TMEM44: variants seen among roughly 807,000 people sequenced by gnomAD.
The protein encoded by TMEM44 is transmembrane protein 44.
A neutral mutation model predicts 47.8 loss-of-function variants in TMEM44; 43 were observed. That is an observed-to-expected ratio of 0.90 (90% confidence interval 0.70 to 1.16). TMEM44 has a LOEUF of 1.16. Ranked by LOEUF, TMEM44 falls within the 50% of genes most tolerant of loss-of-function variation. The probability of loss-of-function intolerance (pLI) is 0.00; values close to 1 mark genes in which losing one functional copy is unlikely to be tolerated. For missense variants in TMEM44, 568 were observed against 555.2 expected (o/e 1.02, Z -0.23); for synonymous variants, 277 against 238.8 (o/e 1.16, Z -1.48).
intron 1 of TMEM44, among the ~76,000 whole-genome samples, chr3:194,631,333 G>T (rs559839387): frequency 6.6e-6 from 1 of 151,350 alleles, no homozygotes; most frequent in South Asian, 2.1e-4. Context: ...GGGTGGCAGC[G>T]CTGGCTTCAT....
intron 9 of TMEM44, chr3:194,593,102 G>GCCC: frequency 6.2e-7 from 1 of 1,612,788 alleles, no homozygotes; most frequent in Non-Finnish European, 8.5e-7. Context: ...GACAGAAAAA[G>GCCC]TGTTGGACAG....
chr3:194,607,584 A>G (rs1175146641), intron 8 of TMEM44, among the ~76,000 whole-genome samples: 2 of 152,208 alleles, frequency 1.3e-5, no homozygotes, highest in Non-Finnish European at 2.9e-5. Flanking sequence ...TATCACTGAC[A>G]AACTGTGTGA....
chr3:194,623,497 C>T (rs1301427033), intron 4 of TMEM44, 32 bp downstream of exon 4: 2 of 1,556,284 alleles, frequency 1.3e-6, no homozygotes, highest in Admixed American at 3.8e-5. Flanking sequence ...CATGCAGTAC[C>T]CCGAGTCCTC....
chr3:194,595,577 A>G (rs931615554), intron 9 of TMEM44, among the ~76,000 whole-genome samples: 1 of 151,482 alleles, frequency 6.6e-6, no homozygotes, highest in Admixed American at 6.6e-5. Flanking sequence ...GATGGATTGT[A>G]AAGTTTTAAG....
chr3:194,605,278 T>G (rs753962562), intron 8 of TMEM44, among the ~76,000 whole-genome samples: 1 of 152,258 alleles, frequency 6.6e-6, no homozygotes, highest in African/African-American at 2.4e-5. Context: ...GCTGAACTTT[T>G]GAAGTCCTGC....
Position 194,611,602 on chromosome 3 carries a change from C to A in TMEM44, c.913-582G>T, listed in dbSNP as rs1005415916. 6.6e-6 allele frequency among the ~76,000 whole-genome samples: 1 copy of A among 152,324 alleles called. No homozygotes were observed. The highest frequency in any genetic ancestry group is 2.4e-5 in the African/African-American group (1 of 41,570). ...CCGGGAAGTGGATCGTTTAAACGCG[C>A]CCCAGATGATTCTAACGTGCGGCCA... On this transcript the variant is annotated intron_variant, in intron 7 of 9. Coordinates refer to ENST00000347147, the MANE Select transcript of TMEM44 (RefSeq NM_001011655.3). This position sits in a 1 kb window ranked among gnomAD's most constrained non-coding sequence, Gnocchi z 4.2.
rs1407933298 is a variant in TMEM44 at position 194,631,287 on chromosome 3, G to A, written c.137+1792C>T. ...GCCTCTGAAATACATTGTCGTACCT[G>A]CCTCCTTGCTACATTTCTCTGGAGA... On this transcript the variant is annotated intron_variant, in intron 1 of 9. Coordinates refer to ENST00000347147, the MANE Select transcript of TMEM44 (RefSeq NM_001011655.3). Among the ~76,000 whole-genome samples, 3 of 152,100 alleles carry A rather than the reference G, an allele frequency of 2.0e-5. No individual in the cohort carries two copies. The East Asian group carries it at 5.8e-4, about 29-fold the overall frequency.
At position 194,623,563 on chromosome 3, in the gene TMEM44, C is replaced by T. The variant is rs1217053670; in HGVS notation, c.491G>A (p.Gly164Glu). ...GCTCGCTAGCAGCCTCCGCTGTGGC[C>T]CCCGGATGGTGGCTGAAGCCTTCGG... ...AVPKASATIR[G>E]PQRRLLASLL... The change falls in exon 4 of 10, where the codon GGG becomes GAG. Residue 164 changes from glycine to glutamate, a missense_variant. Physicochemically the swap from Gly to Glu is moderately conservative, Grantham distance 98. Coordinates refer to ENST00000347147, the MANE Select transcript of TMEM44 (RefSeq NM_001011655.3). 6.2e-7 allele frequency: 1 copy of T among 1,608,142 alleles called. No individual in the cohort carries two copies. Among genetic ancestry groups the T allele is most frequent in the South Asian group, 1.1e-5 (1 of 90,656 alleles).
Position 194,617,016 on chromosome 3 carries a change from G to A in TMEM44, c.783+83C>T, listed in dbSNP as rs1443106043. 4 of 1,386,070 alleles carry A rather than the reference G, an allele frequency of 2.9e-6. No homozygotes were observed. In the Admixed American group the frequency reaches 1.3e-4, roughly 45 times the overall value. The allele number at this position is 1,386,070 out of a possible 1,614,324, so 85.9% of individuals were successfully genotyped here. ...AGTTCCATCTAGCAAGAGAAAAGAA[G>A]GGTGGGGCAGGGGCAGTGAGAGGAC... On this transcript the variant is annotated intron_variant, in intron 6 of 9. Coordinates refer to ENST00000347147, the MANE Select transcript of TMEM44 (RefSeq NM_001011655.3).
At chr3:194,619,773 CAG>C (rs756070116) in intron 5 of TMEM44, among the ~76,000 whole-genome samples, 2 of 152,206 alleles carry the variant, frequency 1.3e-5, no homozygotes, top group South Asian at 2.1e-4. Flanking sequence ...CTCCTGGAAC[CAG>C]AGTCACTGAG....
chr3:194,615,592 C>A lies in TMEM44; in HGVS notation c.889G>T (p.Glu297Ter), dbSNP rs1231503302. Residue 297 changes from glutamate to a stop codon, truncating the protein, a stop_gained, in exon 7 of 10, where the codon GAG becomes TAG. Coordinates refer to ENST00000347147, the MANE Select transcript of TMEM44 (RefSeq NM_001011655.3). LOFTEE classifies it high-confidence loss of function. ...PDTQALLTCA[E>*]KEEENQENLD... Reference sequence around the variant, plus strand: ...ACCTCCTGGTTTTCTTCCTCTTTCTCTGCACAGGTCAAAAGGGCTTGGGTG... The same window carrying A: ...ACCTCCTGGTTTTCTTCCTCTTTCTATGCACAGGTCAAAAGGGCTTGGGTG... 1.2e-6 allele frequency: 2 copies of A among 1,614,152 alleles called. No homozygotes were observed. Among genetic ancestry groups the A allele is most frequent in the Admixed American group, 3.3e-5 (2 of 60,026 alleles).
At chr3:194,589,033 G>C in intron 9 of TMEM44, 1 of 227,928 alleles carries the variant, frequency 4.4e-6, no homozygotes, top group Admixed American at 5.3e-5. Context: ...AGGGTCTTGC[G>C]GTGTCACCCA....
chr3:194,628,440 G>C lies in TMEM44; in HGVS notation c.207C>G (p.Leu69=), dbSNP rs779393573. 1.5e-5 allele frequency: 25 copies of C among 1,613,502 alleles called. No individual in the cohort carries two copies. Among genetic ancestry groups the C allele is most frequent in the Non-Finnish European group, 2.1e-5 (25 of 1,179,718 alleles). ...DQSALCAACC[L]LTSLCDTVGA... ...CGACGGTGTCACACAGACTGGTCAG[G>C]AGGCAGCACGCAGCACACAGTGCCG... The change falls in exon 2 of 10, where the codon CTC becomes CTG. Residue 69 remains leucine (L), a synonymous_variant. Transcript: ENST00000347147.
intron 9 of TMEM44, among the ~76,000 whole-genome samples, chr3:194,602,992 C>T (rs1243047450): frequency 6.6e-6 from 1 of 152,220 alleles, no homozygotes; most frequent in Admixed American, 6.5e-5. Flanking sequence ...AACACCAAAA[C>T]AGTTGGGAGG....
intron 1 of TMEM44, 43 bp from the exon 2 acceptor site, chr3:194,628,552 T>C (rs781147269): frequency 1.3e-6 from 2 of 1,560,508 alleles, no homozygotes; most frequent in African/African-American, 1.4e-5. Context: ...AACTGTGAGT[T>C]TGGACCCAAA....
At chr3:194,601,769 C>A (rs977990842) in intron 9 of TMEM44, among the ~76,000 whole-genome samples, 31 of 152,124 alleles carry the variant, frequency 2.0e-4, no homozygotes, top group African/African-American at 4.1e-4. Context: ...ATATTTTTAA[C>A]AATCGATTTC....
At chr3:194,602,777 T>A (rs1470423072) in intron 9 of TMEM44, among the ~76,000 whole-genome samples, 2 of 152,166 alleles carry the variant, frequency 1.3e-5, no homozygotes, top group East Asian at 1.9e-4. Flanking sequence ...GTGAAAGGCC[T>A]GGACTGCCAC....
At chr3:194,630,860 C>G (rs566329583) in intron 1 of TMEM44, among the ~76,000 whole-genome samples, 1 of 144,336 alleles carries the variant, frequency 6.9e-6, no homozygotes, top group African/African-American at 2.6e-5. Flanking sequence ...AATACGCTGT[C>G]GTACCTGCCT....
chr3:194,596,594 CCAG>C (rs1361468347), intron 9 of TMEM44, among the ~76,000 whole-genome samples: 1 of 152,062 alleles, frequency 6.6e-6, no homozygotes, highest in African/African-American at 2.4e-5. Flanking sequence ...GAGTTCAAGA[CCAG>C]CCTGACCAAC....
Sources: allele counts gnomAD v4.1 joint callset (sites outside exome capture counted in the v4.1 genomes callset), GRCh38; gene constraint gnomAD v4.1.1; non-coding constraint Gnocchi (gnomAD v3.1); transcripts MANE v1.5; gene names NCBI Gene and HGNC (gene_info 2026-07-23, HGNC 2026-07-21).